Variants in UXS1 observed in about 807,000 individuals in gnomAD.
The protein encoded by UXS1 is UDP-glucuronic acid decarboxylase 1.
In UXS1, 33 loss-of-function variants were observed where a neutral mutation model predicts 62.6. The ratio of observed to expected loss-of-function variants is 0.53; its 90% CI spans 0.40 to 0.70. UXS1 has a LOEUF of 0.70. UXS1 is among the 30% of genes least tolerant of loss of function. The pLI, the probability that UXS1 is intolerant of heterozygous loss-of-function variation, is 0.00. For synonymous variants in UXS1, 213 were observed against 206.8 expected (o/e 1.03, Z -0.26); for missense variants, 434 against 556.3 (o/e 0.78, Z 2.21).
chr2:106,171,002 A>G (rs1056479516), intron 1 of UXS1, among the ~76,000 whole-genome samples: 6 of 152,252 alleles, frequency 3.9e-5, no homozygotes, highest in African/African-American at 1.4e-4. Flanking sequence ...ATTTTAAGAA[A>G]GATAATTATT....
At chr2:106,100,787 C>T (rs1317620275) in intron 12 of UXS1, 4 of 430,696 alleles carry the variant, frequency 9.3e-6, no homozygotes, top group Non-Finnish European at 1.2e-5. Flanking sequence ...CCACCTACTA[C>T]CACCAAAAGG....
chr2:106,146,553 TG>T (rs1373062397), intron 5 of UXS1, among the ~76,000 whole-genome samples: 8 of 151,074 alleles, frequency 5.3e-5, no homozygotes, highest in African/African-American at 1.9e-4. Context: ...CCGAGACAGG[TG>T]GATCACTTGA....
intron 4 of UXS1, among the ~76,000 whole-genome samples, chr2:106,162,932 G>A (rs1164297541): frequency 6.6e-6 from 1 of 152,152 alleles, no homozygotes; most frequent in South Asian, 2.1e-4. Flanking sequence ...GACACACATC[G>A]TCCAAACTCA....
At chr2:106,101,677 C>G (rs1054727387) in intron 11 of UXS1, 1 of 152,268 alleles carries the variant, frequency 6.6e-6, no homozygotes, top group Non-Finnish European at 1.5e-5. Context: ...CCCTACTCCC[C>G]CAACCTTAAA....
intron 4 of UXS1, among the ~76,000 whole-genome samples, chr2:106,158,355 A>C (rs1682613964): frequency 6.6e-6 from 1 of 152,216 alleles, no homozygotes; most frequent in Admixed American, 6.5e-5. Flanking sequence ...TCTATCTCTG[A>C]GAAGCAAAAG....
In UXS1 at chr2:106,164,617, C is replaced by T. The variant is rs74652447; in HGVS notation, c.186+119G>A. On this transcript the variant is annotated intron_variant, in intron 3 of 14. Coordinates refer to ENST00000283148, the MANE Select transcript of UXS1 (RefSeq NM_001253875.2). ...AATAAGGGAGTAATTTTTTGAGACA[C>T]GGTTGCAAAATCACAGAACAGCATC... 2.3e-3 allele frequency: 1,608 copies of T among 705,760 alleles called. 26 individuals carry two copies. The African/African-American group carries it at 0.026, about 11-fold the overall frequency. The allele number at this position is 705,760 out of a possible 1,614,324, so 43.7% of individuals were successfully genotyped here. A position where few individuals can be genotyped will look rare whatever the true frequency, so the allele number is the denominator to read the frequency against.
At chr2:106,131,136 A>T (rs1014571442) in intron 6 of UXS1, among the ~76,000 whole-genome samples, 1 of 148,750 alleles carries the variant, frequency 6.7e-6, no homozygotes, top group Non-Finnish European at 1.5e-5. Context: ...AGTCAAAGAA[A>T]GGGGTGACGG....
At chr2:106,107,859 G>A (rs1278944290) in intron 10 of UXS1, among the ~76,000 whole-genome samples, 2 of 152,212 alleles carry the variant, frequency 1.3e-5, no homozygotes, top group Non-Finnish European at 2.9e-5. Flanking sequence ...CTGCCTTCAG[G>A]TACGGTGACA....
chr2:106,143,512 C>A (rs570731074), intron 6 of UXS1, among the ~76,000 whole-genome samples: 2 of 145,452 alleles, frequency 1.4e-5, no homozygotes, highest in South Asian at 4.6e-4. Context: ...TTTTCTATTG[C>A]TGCCTAATCA....
intron 6 of UXS1, among the ~76,000 whole-genome samples, chr2:106,130,739 C>T (rs983149607): frequency 2.0e-5 from 3 of 152,240 alleles, no homozygotes; most frequent in African/African-American, 7.2e-5. Context: ...TGAGCCACAG[C>T]AGGTCAGTCT....
rs540784009 is a variant in UXS1, at chr2:106,171,128, T to C, written c.95-5045A>G. Among the ~76,000 whole-genome samples the C allele has an allele frequency of 3.9e-5, 6 of 152,338 alleles. No individual in the cohort carries two copies. The South Asian group carries it at 1.2e-3, about 32-fold the overall frequency. ...TGTAAACTGAGGCATATCAGCTTCA[T>C]AGTTCTCATTATGTTGGTATCCAGA... On this transcript the variant is annotated intron_variant, in intron 1 of 14. Transcript: ENST00000283148.
In UXS1 at chr2:106,155,933, C is replaced by A. The variant is rs79978293; in HGVS notation, c.291+2125G>T. Among the ~76,000 whole-genome samples the A allele has an allele frequency of 4.4e-3, 670 of 152,124 alleles. 13 individuals carry two copies. The East Asian group carries it at 0.057, about 13-fold the overall frequency. The stretch of plus-strand genomic sequence containing the variant: ...TGGATCACAGGCCTAAATTTAAGAA[C>A]AAAATCTATAAAACTCTTAGGAAAA... On this transcript the variant is annotated intron_variant, in intron 5 of 14. Transcript: ENST00000283148.
At chr2:106,141,579 T>G (rs1406514913) in intron 6 of UXS1, among the ~76,000 whole-genome samples, 1 of 151,750 alleles carries the variant, frequency 6.6e-6, no homozygotes, top group Non-Finnish European at 1.5e-5. Context: ...CACCTCAGCC[T>G]CCTGGGTAGC....
intron 1 of UXS1, among the ~76,000 whole-genome samples, chr2:106,186,457 T>TACACACACACACAC (rs55995858): frequency 2.0e-5 from 3 of 148,692 alleles, no homozygotes; most frequent in African/African-American, 7.5e-5. Context: ...TATATATATA[T>TACACACACACACAC]ACACACACAC....
At chr2:106,157,983 G>A (rs1188638420) in intron 5 of UXS1, 75 bp downstream of exon 5, 1 of 1,256,704 alleles carries the variant, frequency 8.0e-7, no homozygotes, top group African/African-American at 1.5e-5. Flanking sequence ...TGAATTCTAT[G>A]ATATGTGAAT....
chr2:106,186,453 T>TACACAC (rs753781104), intron 1 of UXS1, among the ~76,000 whole-genome samples: 40 of 11,402 alleles, frequency 3.5e-3, no homozygotes, highest in East Asian at 0.011. Flanking sequence ...TATATATATA[T>TACACAC]ATATACACAC....
chr2:106,103,627 T>G (rs1677798091), intron 11 of UXS1, among the ~76,000 whole-genome samples: 1 of 152,210 alleles, frequency 6.6e-6, no homozygotes, highest in Non-Finnish European at 1.5e-5. Flanking sequence ...ATTTCCCTGT[T>G]AAATCGCTTT....
chr2:106,194,286 G>T lies in UXS1; in HGVS notation c.-45C>A. 1 of 1,174,370 alleles carries T rather than the reference G, an allele frequency of 8.5e-7. No individual in the cohort carries two copies. Among genetic ancestry groups the T allele is most frequent in the Non-Finnish European group, 1.1e-6 (1 of 928,090 alleles). The allele number at this position is 1,174,370 out of a possible 1,614,324, so 72.7% of individuals were successfully genotyped here. On this transcript the variant is annotated 5_prime_UTR_variant, in exon 1 of 15. Transcript: ENST00000283148. ...CCAGGGCCCTACCGCGCGGGGGCCC[G>T]CCTGCTGCACAATGCGCGGCGGCGG...
In UXS1 at chr2:106,093,652, C is replaced by T. The variant is rs4851917; in HGVS notation, c.*374G>A. The T allele has an allele frequency of 0.97, 166,990 of 171,436 alleles. 81,468 individuals are homozygous for T. Among genetic ancestry groups the T allele is most frequent in the East Asian group, 1 (6,037 of 6,038 alleles). The allele number at this position is 171,436 out of a possible 1,614,324, so 10.6% of individuals were successfully genotyped here. A position where few individuals can be genotyped will look rare whatever the true frequency, so the allele number is the denominator to read the frequency against. ...GACTCATTTATTAAGTACCCACTTTCATAAATAAAATCGGCATTTTTTGTC... is the reference window on the plus strand; with the variant it reads ...GACTCATTTATTAAGTACCCACTTTTATAAATAAAATCGGCATTTTTTGTC... On this transcript the variant is annotated 3_prime_UTR_variant, in exon 15 of 15. Transcript: ENST00000283148.
Sources: gnomAD v4.1 joint callset for allele counts (sites outside exome capture counted in the v4.1 genomes callset) on GRCh38, gnomAD v4.1.1 for gene constraint, MANE v1.5 for transcripts, NCBI Gene and HGNC (gene_info 2026-07-23, HGNC 2026-07-21) for gene names.